STXBP4: variants seen among roughly 807,000 people sequenced by gnomAD.
STXBP4 encodes syntaxin binding protein 4.
Under a neutral mutation model 76.1 loss-of-function variants are expected in STXBP4, and 55 were observed. That is an observed-to-expected ratio of 0.72 (90% CI 0.58 to 0.91). The LOEUF is 0.91. Ranked by LOEUF, STXBP4 falls within the 40% of genes least tolerant of loss-of-function variation. The pLI is 0.00. For missense variants in STXBP4, 618 were observed against 636.9 expected (o/e 0.97, Z 0.32); for synonymous variants, 201 against 220.2 (o/e 0.91, Z 0.77).
chr17:54,988,230 G>T (rs1158695317), intron 3 of STXBP4, among the ~76,000 whole-genome samples: 5 of 152,170 alleles, frequency 3.3e-5, no homozygotes, highest in Non-Finnish European at 7.3e-5. Context: ...TAGATTTATA[G>T]AGAAAACGTA....
Position 55,000,131 on chromosome 17 carries a change from A to G in STXBP4, c.498+289A>G, listed in dbSNP as rs372491524. On this transcript the variant is annotated intron_variant, in intron 6 of 17. Transcript: ENST00000376352. ...CACTCAAAACTATGTTAAGAATGTC[A>G]TATTTGGTTTCAGTTGGTTTAGTTA... The G allele has an allele frequency of 3.3e-4, 248 of 754,814 alleles. 1 individual carries two copies. In the African/African-American group the frequency reaches 4.5e-3, roughly 14 times the overall value. The allele number at this position is 754,814 out of a possible 1,614,324, so 46.8% of individuals were successfully genotyped here.
At chr17:55,020,868 G>A (rs560483364) in intron 8 of STXBP4, among the ~76,000 whole-genome samples, 1 of 151,952 alleles carries the variant, frequency 6.6e-6, no homozygotes, top group Non-Finnish European at 1.5e-5. Context: ...ATGAAAAATG[G>A]AATTTTATCT....
At chr17:55,067,834 A>G (rs2079072495) in intron 12 of STXBP4, among the ~76,000 whole-genome samples, 1 of 152,194 alleles carries the variant, frequency 6.6e-6, no homozygotes, top group African/African-American at 2.4e-5. Context: ...AAATTACATT[A>G]TAAATGAAGA....
chr17:55,028,276 A>G, intron 8 of STXBP4, among the ~76,000 whole-genome samples: 1 of 152,160 alleles, frequency 6.6e-6, no homozygotes, highest in African/African-American at 2.4e-5. Flanking sequence ...TATAATCTAA[A>G]TGATTATCAG....
chr17:55,123,771 G>A (rs557018167), intron 16 of STXBP4, among the ~76,000 whole-genome samples: 2 of 151,864 alleles, frequency 1.3e-5, no homozygotes, highest in Non-Finnish European at 2.9e-5. Flanking sequence ...ATGGTGGCCC[G>A]CGCCTATAGT....
chr17:55,137,615 G>A (rs564361830), intron 16 of STXBP4, among the ~76,000 whole-genome samples: 1 of 152,236 alleles, frequency 6.6e-6, no homozygotes, highest in African/African-American at 2.4e-5. Flanking sequence ...CCTTGGGAAA[G>A]TTATTGAAAT....
chr17:55,157,014 G>C (rs1049972405), intron 17 of STXBP4, among the ~76,000 whole-genome samples: 1 of 152,098 alleles, frequency 6.6e-6, no homozygotes, highest in African/African-American at 2.4e-5. Flanking sequence ...ATGGACAGTT[G>C]TAATATGTCA....
At position 55,097,523 on chromosome 17, in the gene STXBP4, C is replaced by T. The variant is rs964451681; in HGVS notation, c.1489+16340C>T. 5.9e-5 allele frequency among the ~76,000 whole-genome samples: 9 copies of T among 152,018 alleles called. No individual in the cohort carries two copies. The East Asian group carries it at 1.2e-3, about 20-fold the overall frequency. The stretch of plus-strand genomic sequence containing the variant: ...CTAAAAATATAAAAAATTAGCTGGG[C>T]GTGGTGGCGGGTGCCTGTAGTATCA... On this transcript the variant is annotated intron_variant, in intron 16 of 17. Coordinates refer to ENST00000376352, the MANE Select transcript of STXBP4 (RefSeq NM_178509.6).
chr17:55,120,802 T>A (rs1045703708), intron 16 of STXBP4, among the ~76,000 whole-genome samples: 1 of 141,624 alleles, frequency 7.1e-6, no homozygotes, highest in African/African-American at 2.6e-5. Flanking sequence ...CTGTGTTTCC[T>A]AGAAGAAAGA....
intron 17 of STXBP4, among the ~76,000 whole-genome samples, chr17:55,154,883 A>G (rs935818944): frequency 6.6e-6 from 1 of 152,062 alleles, no homozygotes; most frequent in African/African-American, 2.4e-5. Context: ...TTGGAATTTA[A>G]GATTTTAAAA....
intron 16 of STXBP4, among the ~76,000 whole-genome samples, chr17:55,097,395 G>C (rs139463197): frequency 0.012 from 1,779 of 152,274 alleles, 43 homozygotes; most frequent in East Asian, 0.11. Flanking sequence ...CGGGCGCGGT[G>C]GCTCATGCCT....
the STXBP4 span, among the ~76,000 whole-genome samples, chr17:55,186,625 TG>T: frequency 2.6e-5 from 4 of 152,208 alleles, no homozygotes; most frequent in African/African-American, 9.6e-5. Flanking sequence ...AATGAATTCT[TG>T]GCTTAGAGAA....
intron 1 of STXBP4, among the ~76,000 whole-genome samples, chr17:54,984,202 AT>A (rs1198765893): frequency 6.6e-6 from 1 of 151,894 alleles, no homozygotes; most frequent in Non-Finnish European, 1.5e-5. Context: ...AGAATCTATG[AT>A]TTCTTCTGCA....
chr17:55,199,497 G>A, the STXBP4 span, among the ~76,000 whole-genome samples: 7 of 152,250 alleles, frequency 4.6e-5, no homozygotes, highest in African/African-American at 1.4e-4. Flanking sequence ...CATCGCCATC[G>A]TATTTGCCAT....
intron 3 of STXBP4, among the ~76,000 whole-genome samples, chr17:54,988,790 T>C (rs2077665261): frequency 6.6e-6 from 1 of 151,946 alleles, no homozygotes; most frequent in African/African-American, 2.4e-5. Flanking sequence ...AAAAAAAGAA[T>C]GAATTTAGGG....
At chr17:55,043,703 G>A in intron 11 of STXBP4, 2 of 1,494,856 alleles carry the variant, frequency 1.3e-6, no homozygotes, top group South Asian at 1.2e-5. Flanking sequence ...TTTTTTTCAT[G>A]TGCAGGGCTA....
chr17:54,972,761 C>G (rs116738362), intron 1 of STXBP4, among the ~76,000 whole-genome samples: 17 of 152,120 alleles, frequency 1.1e-4, no homozygotes, highest in African/African-American at 4.1e-4. Flanking sequence ...AGCAGAGACC[C>G]TAGAAAATTT....
At position 55,168,029 on chromosome 17, in the gene STXBP4, A is replaced by G. The variant is rs2080385547; in HGVS notation, c.*8118A>G. ...GTTTTATCATTCAGAGAAGTAATCTATGCATTTAATCTAATGCCAGCTTTT... is the reference window on the plus strand; with the variant it reads ...GTTTTATCATTCAGAGAAGTAATCTGTGCATTTAATCTAATGCCAGCTTTT... On this transcript the variant is annotated 3_prime_UTR_variant, in exon 18 of 18. Transcript: ENST00000376352. 4 of 152,314 alleles carry G rather than the reference A, an allele frequency of 2.6e-5. No homozygotes were observed. In the South Asian group the frequency reaches 8.3e-4, roughly 32 times the overall value. 9.4% of individuals were successfully genotyped at this position (152,314 alleles called of 1,614,324 possible). A position where few individuals can be genotyped will look rare whatever the true frequency, so the allele number is the denominator to read the frequency against.
At chr17:55,095,940 A>T (rs2144991661) in intron 16 of STXBP4, among the ~76,000 whole-genome samples, 1 of 152,172 alleles carries the variant, frequency 6.6e-6, no homozygotes, top group Admixed American at 6.5e-5. Flanking sequence ...ACTGGTAATT[A>T]TTTTTTTCTC....
Sources: gnomAD v4.1 joint callset for allele counts (sites outside exome capture counted in the v4.1 genomes callset) on GRCh38, gnomAD v4.1.1 for gene constraint, MANE v1.5 for transcripts, NCBI Gene and HGNC (gene_info 2026-07-23, HGNC 2026-07-21) for gene names.